Variants in NCOR2 observed in about 807,000 individuals in gnomAD.
NCOR2 encodes CTG repeat protein 26.
NCOR2 carries 81 observed loss-of-function variants against 262.9 expected under a neutral mutation model. The observed-to-expected ratio is 0.31, with a 90% CI of 0.26 to 0.37. NCOR2 has a LOEUF of 0.37. Among genes scored for constraint, NCOR2 ranks in the 10% least tolerant of loss-of-function variants. NCOR2 has a pLI of 1.00. For synonymous variants in NCOR2, 1,659 were observed against 1,559.3 expected (o/e 1.06, Z -1.51); for missense variants, 3,385 against 3,621.4 (o/e 0.93, Z 1.68).
exon 42 of NCOR2, chr12:124,333,264 G>C (rs1240837429): frequency 6.2e-7 from 1 of 1,608,816 alleles, no homozygotes; most frequent in South Asian, 1.1e-5. Flanking sequence ...CCGACGTCTT[G>C]TTTGGCTCTG....
intron 13 of NCOR2, among the ~76,000 whole-genome samples, chr12:124,419,550 C>A (rs1211756954): frequency 2.0e-5 from 3 of 152,246 alleles, no homozygotes. Context: ...AAGATAAACA[C>A]ACACAACCAT....
Position 124,329,610 on chromosome 12 carries a change from C to T in NCOR2, c.6958+1235G>A, listed in dbSNP as rs142885383. ...ATAAAAAATTACTCGGGTGCAGTGGCGCATGCCTGTAGTCCCAGCTGCTCA... is the reference window on the plus strand; with the variant it reads ...ATAAAAAATTACTCGGGTGCAGTGGTGCATGCCTGTAGTCCCAGCTGCTCA... On this transcript the variant is annotated intron_variant, in intron 44 of 46. Transcript: ENST00000405201. 2.0e-3 allele frequency among the ~76,000 whole-genome samples: 302 copies of T among 151,854 alleles called. 1 individual carries two copies. Among genetic ancestry groups the T allele is most frequent in the Middle Eastern group, 6.8e-3 (2 of 292 alleles).
intron 1 of NCOR2, among the ~76,000 whole-genome samples, chr12:124,546,988 T>C (rs553176271): frequency 5.3e-5 from 8 of 152,186 alleles, no homozygotes; most frequent in African/African-American, 1.4e-4. Flanking sequence ...TATAATATTT[T>C]ATTTATTTTT....
chr12:124,447,195 G>A (rs554301118), intron 7 of NCOR2, among the ~76,000 whole-genome samples: 11 of 152,358 alleles, frequency 7.2e-5, no homozygotes, highest in Admixed American at 1.3e-4. Context: ...GATTACAGGC[G>A]TGAGCCACCG....
intron 17 of NCOR2, among the ~76,000 whole-genome samples, chr12:124,381,528 A>T (rs556911363): frequency 1.3e-5 from 2 of 152,266 alleles, no homozygotes; most frequent in Admixed American, 1.3e-4. Context: ...TACCTGGAAC[A>T]GTGTCTAGCA....
chr12:124,340,846 A>C (rs1393049335), intron 34 of NCOR2, 95 bp from the exon 37 acceptor site: 5 of 1,205,260 alleles, frequency 4.1e-6, no homozygotes, highest in Middle Eastern at 2.2e-4. Flanking sequence ...CACGGCACAC[A>C]CTCCTGGAGC....
chr12:124,365,189 C>G (rs1593230472), intron 20 of NCOR2, among the ~76,000 whole-genome samples: 2 of 152,186 alleles, frequency 1.3e-5, no homozygotes, highest in African/African-American at 4.8e-5. Context: ...GGCGTGAGGG[C>G]AGCAGCCACG....
intron 16 of NCOR2, among the ~76,000 whole-genome samples, chr12:124,396,206 A>C (rs1052039085): frequency 6.6e-6 from 1 of 151,998 alleles, no homozygotes; most frequent in Non-Finnish European, 1.5e-5. Context: ...GGGACTGCTA[A>C]TGGGTATGGG....
intron 16 of NCOR2, chr12:124,388,677 T>A (rs748908259): frequency 4.0e-5 from 52 of 1,304,254 alleles, no homozygotes; most frequent in Non-Finnish European, 5.1e-5. Flanking sequence ...CCAGGACCAC[T>A]CACTCACATC....
At chr12:124,338,531 G>C (rs570223421) in intron 37 of NCOR2, among the ~76,000 whole-genome samples, 1 of 147,024 alleles carries the variant, frequency 6.8e-6, no homozygotes, top group Non-Finnish European at 1.5e-5. Context: ...AAAAGGTTCC[G>C]GGCAGGGAAG....
Position 124,440,938 on chromosome 12 carries a change from C to T in NCOR2, c.816-2942G>A, listed in dbSNP as rs911384165. On this transcript the variant is annotated intron_variant, in intron 7 of 46. Transcript: ENST00000405201. The surrounding 1 kb of genome is among the most constrained non-coding windows in gnomAD (Gnocchi z 5.7). ...AAACTCTGTGTATCGGAAGCACAGA[C>T]AGAGGAAGGCCCTGTGGCTGGACAG... is the stretch of plus-strand genomic sequence containing the variant. Among the ~76,000 whole-genome samples, 1 of 152,096 alleles carries T rather than the reference C, an allele frequency of 6.6e-6. No individual in the cohort carries two copies. Among genetic ancestry groups the T allele is most frequent in the East Asian group, 1.9e-4 (1 of 5,178 alleles).
upstream of NCOR2, among the ~76,000 whole-genome samples, chr12:124,540,395 G>T (rs1470580883): frequency 7.5e-6 from 1 of 133,748 alleles, no homozygotes; most frequent in African/African-American, 2.9e-5. Flanking sequence ...AGAAGCTGGG[G>T]CAGCCAGAGG....
chr12:124,412,800 G>A (rs1053359468), intron 13 of NCOR2, among the ~76,000 whole-genome samples: 1 of 152,234 alleles, frequency 6.6e-6, no homozygotes, highest in Admixed American at 6.5e-5. Flanking sequence ...CTTATTGTGG[G>A]GTGAGGGGTG....
intron 4 of NCOR2, among the ~76,000 whole-genome samples, chr12:124,470,555 C>T (rs1047645202): frequency 1.3e-5 from 2 of 152,194 alleles, no homozygotes. Context: ...TGATAAACTC[C>T]AAAACCATGA....
rs551291819 is a variant in NCOR2 at position 124,484,934 on chromosome 12, G to A, written c.234-1161C>T. Among the ~76,000 whole-genome samples, 7 of 152,322 alleles carry A rather than the reference G, an allele frequency of 4.6e-5. No individual in the cohort carries two copies. In the South Asian group the frequency reaches 6.2e-4, roughly 14 times the overall value. The stretch of plus-strand genomic sequence containing the variant: ...GACTGAATGCTGCCCACTGCAGCAC[G>A]GGCTGGGGCCGTGTTGCTGGCCCCC... On this transcript the variant is annotated intron_variant, in intron 2 of 46. Transcript: ENST00000405201.
At chr12:124,426,755 G>A in exon 11 of NCOR2, 2 of 1,597,480 alleles carry the variant, frequency 1.3e-6, no homozygotes, top group Non-Finnish European at 8.6e-7. Context: ...GCGTCGTACA[G>A]CATGGGCGGG....
At position 124,511,709 on chromosome 12, in the gene NCOR2, C is replaced by T. The variant is rs373153410; in HGVS notation, c.-117-16341G>A. Among the ~76,000 whole-genome samples the T allele has an allele frequency of 6.5e-4, 99 of 152,240 alleles. 1 individual carries two copies. In the South Asian group the frequency reaches 0.019, roughly 29 times the overall value. On this transcript the variant is annotated intron_variant, in intron 1 of 46. Coordinates refer to the NCOR2 transcript ENST00000404621. ...TCCTTCCTGGAAAGTCCAGACTCCC[C>T]GAATGGGGCTTCATGCACTCCCAGG...
At chr12:124,376,770 G>A (rs2040034867) in intron 18 of NCOR2, among the ~76,000 whole-genome samples, 1 of 152,234 alleles carries the variant, frequency 6.6e-6, no homozygotes, top group Non-Finnish European at 1.5e-5. Context: ...CCTTCTGCCA[G>A]GGAGAAGCCA....
chr12:124,437,563 C>T (rs939996533), intron 8 of NCOR2, among the ~76,000 whole-genome samples: 1 of 152,230 alleles, frequency 6.6e-6, no homozygotes, highest in African/African-American at 2.4e-5. Flanking sequence ...GCCCCTGCTG[C>T]CCGGCACACA....
Sources: gnomAD v4.1 joint callset for allele counts (sites outside exome capture counted in the v4.1 genomes callset) on GRCh38, gnomAD v4.1.1 for gene constraint, Gnocchi (gnomAD v3.1) non-coding constraint, MANE v1.5 for transcripts, NCBI Gene and HGNC (gene_info 2026-07-23, HGNC 2026-07-21) for gene names.